KIF13B: variants seen among roughly 807,000 people sequenced by gnomAD.
KIF13B encodes kinesin-like protein KIF13B.
Under a neutral mutation model 222.0 loss-of-function variants are expected in KIF13B, and 127 were observed. The observed-to-expected ratio is 0.57, with a 90% CI of 0.50 to 0.66. The LOEUF is 0.66. Ranked by LOEUF, KIF13B falls within the 30% of genes least tolerant of loss-of-function variation. The pLI, the probability that KIF13B is intolerant of heterozygous loss-of-function variation, is 0.00. For synonymous variants in KIF13B, 976 were observed against 919.0 expected, an observed-to-expected ratio of 1.06 and a Z score of -1.12; for missense variants, 2,173 against 2,379.0, an observed-to-expected ratio of 0.91 and a Z score of 1.80.
chr8:29,206,237 C>T (rs1397658159), intron 2 of KIF13B, among the ~76,000 whole-genome samples: 2 of 152,054 alleles, frequency 1.3e-5, no homozygotes, highest in Non-Finnish European at 2.9e-5. Flanking sequence ...CCAGCCTGGC[C>T]AACATAGTGA....
At chr8:29,100,278 T>G (rs1208331087) in intron 35 of KIF13B, among the ~76,000 whole-genome samples, 1 of 152,244 alleles carries the variant, frequency 6.6e-6, no homozygotes, top group Non-Finnish European at 1.5e-5. Flanking sequence ...CAGCCCTATC[T>G]AGGGAAGAAA....
chr8:29,123,995 G>T, intron 27 of KIF13B, 29 bp downstream of exon 27: 3 of 1,361,458 alleles, frequency 2.2e-6, no homozygotes, highest in African/African-American at 1.4e-5. Context: ...ATTTGCAGGG[G>T]AGAAAAATAT....
intron 3 of KIF13B, among the ~76,000 whole-genome samples, chr8:29,192,229 G>A (rs183723070): frequency 7.2e-5 from 11 of 152,200 alleles, no homozygotes; most frequent in African/African-American, 2.4e-4. Context: ...GAGAAGGCTC[G>A]CCCAAATCAG....
intron 14 of KIF13B, among the ~76,000 whole-genome samples, chr8:29,152,619 AT>A (rs35871833): frequency 0.5 from 76,269 of 151,274 alleles, 20,188 homozygotes; most frequent in East Asian, 0.67. Context: ...TTAAAAAAAA[AT>A]TTTTTTTGAG....
At chr8:29,170,164 C>CA (rs1586874775) in intron 10 of KIF13B, among the ~76,000 whole-genome samples, 1 of 152,102 alleles carries the variant, frequency 6.6e-6, no homozygotes, top group East Asian at 1.9e-4. Context: ...ACTGTTTAGG[C>CA]AAATCAGATG....
chr8:29,193,146 C>G (rs545489976), intron 3 of KIF13B, among the ~76,000 whole-genome samples: 1 of 152,148 alleles, frequency 6.6e-6, no homozygotes, highest in East Asian at 1.9e-4. Context: ...GAGAAGGAAG[C>G]GAGGCCAGGA....
At chr8:29,105,077 CCCTG>C (rs1323814883) in intron 35 of KIF13B, among the ~76,000 whole-genome samples, 3 of 152,004 alleles carry the variant, frequency 2.0e-5, no homozygotes, top group Non-Finnish European at 4.4e-5. Flanking sequence ...AGTGATCCTC[CCCTG>C]CCTCAGCCTC....
chr8:29,125,880 G>A (rs1253898649), intron 26 of KIF13B, among the ~76,000 whole-genome samples: 2 of 152,110 alleles, frequency 1.3e-5, no homozygotes, highest in Admixed American at 6.6e-5. Flanking sequence ...AAGCCTAGGC[G>A]GGTGGATCAC....
Position 29,100,017 on chromosome 8 carries a change from T to C in KIF13B, c.4216-776A>G, listed in dbSNP as rs116047423. Among the ~76,000 whole-genome samples, 1,480 of 152,350 alleles carry C rather than the reference T, an allele frequency of 9.7e-3. 23 individuals carry two copies. The highest frequency in any genetic ancestry group is 0.033 in the African/African-American group (1,384 of 41,568). On this transcript the variant is annotated intron_variant, in intron 35 of 39. Coordinates refer to ENST00000524189, the MANE Select transcript of KIF13B (RefSeq NM_015254.4). ...GACTGTGTTTCCACTGACTCACATA[T>C]AGTGCATAACAGTAAATATTACCAA...
chr8:29,171,147 C>T (rs950663574), intron 10 of KIF13B, among the ~76,000 whole-genome samples: 8 of 152,182 alleles, frequency 5.3e-5, no homozygotes, highest in African/African-American at 1.7e-4. Context: ...TAGAAAGATA[C>T]TCATTATCTG....
chr8:29,134,131 T>C lies in KIF13B; in HGVS notation c.2693A>G (p.Gln898Arg), dbSNP rs778917526. 2 of 1,614,042 alleles carry C rather than the reference T, an allele frequency of 1.2e-6. No homozygotes were observed. Among genetic ancestry groups the C allele is most frequent in the East Asian group, 4.5e-5 (2 of 44,890 alleles). Residue 898 changes from glutamine to arginine, a missense_variant, in exon 22 of 40, where the codon CAG becomes CGG. Physicochemically the swap from Gln to Arg is conservative, Grantham distance 43 (BLOSUM62 1). Coordinates refer to ENST00000524189, the MANE Select transcript of KIF13B (RefSeq NM_015254.4). The stretch of plus-strand genomic sequence containing the variant: ...TTCAGGAGCGACAATCACCGGCTCC[T>C]GTTGATCCCAGAAGCTGTATTTGCA... ...VFCKYSFWDQ[Q>R]EPVIVAPEVD...
At chr8:29,262,700 A>AG (rs1174930652) in intron 1 of KIF13B, among the ~76,000 whole-genome samples, 12 of 139,502 alleles carry the variant, frequency 8.6e-5, no homozygotes, top group African/African-American at 3.0e-4. Flanking sequence ...AGAGGGCAAA[A>AG]GGGCGCAGGG....
intron 37 of KIF13B, among the ~76,000 whole-genome samples, chr8:29,086,872 G>C (rs138172790): frequency 6.6e-6 from 1 of 152,138 alleles, no homozygotes; most frequent in Admixed American, 6.5e-5. Flanking sequence ...ATCATTTAAT[G>C]GTCAAAGACT....
At chr8:29,254,788 A>G (rs77645299) in intron 1 of KIF13B, among the ~76,000 whole-genome samples, 1,709 of 152,370 alleles carry the variant, frequency 0.011, 42 homozygotes, top group African/African-American at 0.04. Flanking sequence ...TCCTATACAT[A>G]TGCGTATCTG....
chr8:29,115,873 T>C (rs1403732959), intron 31 of KIF13B, among the ~76,000 whole-genome samples: 8 of 152,060 alleles, frequency 5.3e-5, no homozygotes, highest in Admixed American at 4.6e-4. Context: ...CCCTCCTCTC[T>C]AAGTCCCAGT....
At chr8:29,083,009 G>C (rs888308670) in intron 37 of KIF13B, among the ~76,000 whole-genome samples, 1 of 152,034 alleles carries the variant, frequency 6.6e-6, no homozygotes, top group Admixed American at 6.5e-5. Flanking sequence ...TACACCTGTA[G>C]TCTCAGCTAC....
At chr8:29,235,682 T>C (rs1280989078) in intron 2 of KIF13B, among the ~76,000 whole-genome samples, 1 of 152,076 alleles carries the variant, frequency 6.6e-6, no homozygotes, top group African/African-American at 2.4e-5. Context: ...GAAAACAATG[T>C]GGGATAAACA....
chr8:29,109,846 T>TG lies in KIF13B; in HGVS notation c.4083+71_4083+72insC. 4.1e-6 allele frequency: 6 copies of TG among 1,448,096 alleles called. No individual in the cohort carries two copies. In the South Asian group the frequency reaches 7.4e-5, roughly 18 times the overall value. 89.7% of individuals were successfully genotyped at this position (1,448,096 alleles called of 1,614,324 possible). A position where few individuals can be genotyped will look rare whatever the true frequency, so the allele number is the denominator to read the frequency against. On this transcript the variant is annotated intron_variant, in intron 33 of 39. Transcript: ENST00000524189. ...ATGTTAGGTGCAACAACACTGTGAA[T>TG]TACAGAGTCAAACACAGACTCAGCC...
intron 21 of KIF13B, among the ~76,000 whole-genome samples, chr8:29,136,625 A>G (rs889633221): frequency 6.6e-6 from 1 of 151,322 alleles, no homozygotes; most frequent in East Asian, 1.9e-4. Flanking sequence ...AAATAAATAA[A>G]TCTCACCCAC....
Sources: gnomAD v4.1 joint callset for allele counts (sites outside exome capture counted in the v4.1 genomes callset) on GRCh38, gnomAD v4.1.1 for gene constraint, MANE v1.5 for transcripts, NCBI Gene and HGNC (gene_info 2026-07-23, HGNC 2026-07-21) for gene names.